The following TPRG1 variants were observed in gnomAD, a reference collection of about 807,000 sequenced individuals.
The protein encoded by TPRG1 is tumor protein p63 regulated 1.
TPRG1 carries 29 observed loss-of-function variants against 29.3 expected under a neutral mutation model. The observed-to-expected ratio is 0.99, with a 90% confidence interval of 0.74 to 1.35. The LOEUF is 1.35. Ranked by LOEUF, TPRG1 falls within the 40% of genes most tolerant of loss-of-function variation. The pLI is 0.00. For synonymous variants in TPRG1, 130 were observed against 116.8 expected (o/e 1.11, Z -0.73); for missense variants, 327 against 335.0 (o/e 0.98, Z 0.19).
intron 3 of TPRG1, among the ~76,000 whole-genome samples, chr3:189,147,165 G>A (rs1285841649): frequency 6.6e-6 from 1 of 152,230 alleles, no homozygotes; most frequent in African/African-American, 2.4e-5. Flanking sequence ...AGAAGGAAGA[G>A]GAGGGAAGAG....
chr3:189,226,799 AAAAAAAAAAAAAAG>A (rs976794756), intron 3 of TPRG1, among the ~76,000 whole-genome samples: 5 of 146,402 alleles, frequency 3.4e-5, no homozygotes, highest in African/African-American at 1.2e-4. Flanking sequence ...AAGGCTGACA[AAAAAAAAAAAAAAG>A]AAAAAGAAAA....
intron 2 of TPRG1, among the ~76,000 whole-genome samples, chr3:189,003,478 T>C (rs1355755202): frequency 1.3e-5 from 2 of 152,202 alleles, no homozygotes; most frequent in Non-Finnish European, 2.9e-5. Flanking sequence ...AGTTCTGTTC[T>C]CTGATACCAC....
At chr3:189,110,378 T>C (rs1720362559) in intron 1 of TPRG1, among the ~76,000 whole-genome samples, 1 of 152,214 alleles carries the variant, frequency 6.6e-6, no homozygotes, top group South Asian at 2.1e-4. Flanking sequence ...TCAAATGTTT[T>C]GTCCACTTTT....
At chr3:189,158,437 C>T (rs1161014784) in intron 5 of TPRG1, among the ~76,000 whole-genome samples, 5 of 151,958 alleles carry the variant, frequency 3.3e-5, no homozygotes, top group African/African-American at 1.2e-4. Flanking sequence ...GGTGAAACCC[C>T]GTCTCTACTA....
intron 4 of TPRG1, among the ~76,000 whole-genome samples, chr3:189,288,930 TATCTGTACGTG>T (rs1303284931): frequency 1.3e-5 from 2 of 152,234 alleles, no homozygotes; most frequent in Non-Finnish European, 2.9e-5. Context: ...TGGGTGCCTG[TATCTGTACGTG>T]AGCCTTTCCT....
At chr3:189,035,341 A>G (rs941894860) in intron 4 of TPRG1, among the ~76,000 whole-genome samples, 1 of 152,208 alleles carries the variant, frequency 6.6e-6, no homozygotes, top group Non-Finnish European at 1.5e-5. Flanking sequence ...ACCTAGAAGC[A>G]AACCTAGGAA....
chr3:189,136,814 A>T (rs1340345247), intron 3 of TPRG1, among the ~76,000 whole-genome samples: 1 of 152,162 alleles, frequency 6.6e-6, no homozygotes, highest in African/African-American at 2.4e-5. Context: ...GGCAATAATT[A>T]TACTTCCCTG....
At chr3:189,160,459 CA>C (rs1274827797) in intron 5 of TPRG1, among the ~76,000 whole-genome samples, 1 of 152,096 alleles carries the variant, frequency 6.6e-6, no homozygotes, top group Non-Finnish European at 1.5e-5. Context: ...TCTTTACTTC[CA>C]TTTAGGTTTT....
chr3:189,219,622 C>CAA lies in TPRG1; in HGVS notation c.302+4243_302+4244dup, dbSNP rs938173850. On this transcript the variant is annotated intron_variant, in intron 3 of 5. Coordinates refer to ENST00000345063, the MANE Select transcript of TPRG1 (RefSeq NM_198485.4). ...AACATCTTGACACTTTATGGAATTT[C>CAA]AAAAAGTATGATATGATGGCAATAA... 7.0e-6 allele frequency: 9 copies of CAA among 1,288,594 alleles called. No homozygotes were observed. In the African/African-American group the frequency reaches 1.1e-4, roughly 15 times the overall value. 79.8% of individuals were successfully genotyped at this position (1,288,594 alleles called of 1,614,324 possible).
At chr3:189,218,987 A>G (rs561903742) in intron 3 of TPRG1, among the ~76,000 whole-genome samples, 166 of 152,298 alleles carry the variant, frequency 1.1e-3, no homozygotes, top group Non-Finnish European at 2.1e-3. Flanking sequence ...CGTGATGGGG[A>G]GGCACTGAAG....
intron 3 of TPRG1, among the ~76,000 whole-genome samples, chr3:189,011,693 T>A (rs1712610142): frequency 6.6e-6 from 1 of 152,064 alleles, no homozygotes; most frequent in South Asian, 2.1e-4. Context: ...TCCCACAACA[T>A]GTGGGAATTA....
chr3:189,119,062 G>C (rs370864443), intron 1 of TPRG1, among the ~76,000 whole-genome samples: 1 of 152,250 alleles, frequency 6.6e-6, no homozygotes, highest in South Asian at 2.1e-4. Flanking sequence ...CAGCTGTTAG[G>C]GGGGTTGAGC....
intron 5 of TPRG1, among the ~76,000 whole-genome samples, chr3:189,153,464 G>A (rs946644790): frequency 6.6e-6 from 1 of 152,134 alleles, no homozygotes; most frequent in Non-Finnish European, 1.5e-5. Context: ...ATTTGCACTG[G>A]AGAATTGTTC....
At chr3:189,252,197 C>A (rs1579046924) in intron 4 of TPRG1, among the ~76,000 whole-genome samples, 1 of 152,236 alleles carries the variant, frequency 6.6e-6, no homozygotes, top group African/African-American at 2.4e-5. Context: ...TCAGAGAGCA[C>A]GGGGTTGGGG....
intron 1 of TPRG1, among the ~76,000 whole-genome samples, chr3:189,123,232 G>A (rs1378783557): frequency 1.3e-5 from 2 of 152,186 alleles, no homozygotes; most frequent in Non-Finnish European, 2.9e-5. Flanking sequence ...GGGCTTTAGA[G>A]AGTTATATAA....
In TPRG1 at chr3:189,219,498, C is replaced by G. The variant is rs1165929633; in HGVS notation, c.302+4115C>G. 1.0e-5 allele frequency: 9 copies of G among 903,940 alleles called. No homozygotes were observed. The South Asian group carries it at 1.2e-4, about 13-fold the overall frequency. The allele number at this position is 903,940 out of a possible 1,614,324, so 56.0% of individuals were successfully genotyped here. Reference sequence around the variant, plus strand: ...ATTTCCACCTTGCAGTTTCCTATTACCTTTCTTATTGGCCCTTCTGAAAAA... The same window carrying G: ...ATTTCCACCTTGCAGTTTCCTATTAGCTTTCTTATTGGCCCTTCTGAAAAA... On this transcript the variant is annotated intron_variant, in intron 3 of 5. Coordinates refer to ENST00000345063, the MANE Select transcript of TPRG1 (RefSeq NM_198485.4).
intron 4 of TPRG1, among the ~76,000 whole-genome samples, chr3:189,271,764 C>T (rs1197527246): frequency 6.6e-6 from 1 of 152,158 alleles, no homozygotes; most frequent in Non-Finnish European, 1.5e-5. Context: ...CTGAGGTATC[C>T]TGATCTTTTG....
chr3:189,127,414 A>C (rs546936159), intron 2 of TPRG1, among the ~76,000 whole-genome samples: 42 of 152,282 alleles, frequency 2.8e-4, no homozygotes, highest in African/African-American at 9.6e-4. Flanking sequence ...TATGTTAACA[A>C]ATGGAAACTA....
intron 1 of TPRG1, among the ~76,000 whole-genome samples, chr3:189,183,386 T>A (rs562185676): frequency 1.3e-5 from 2 of 152,174 alleles, no homozygotes; most frequent in African/African-American, 4.8e-5. Flanking sequence ...GGGGCAAAAT[T>A]AAGATTGCTA....
Sources: gnomAD v4.1 joint callset for allele counts (sites outside exome capture counted in the v4.1 genomes callset) on GRCh38, gnomAD v4.1.1 for gene constraint, MANE v1.5 for transcripts, NCBI Gene and HGNC (gene_info 2026-07-23, HGNC 2026-07-21) for gene names.